Variants in TMEM117 observed in about 807,000 individuals in gnomAD.
The protein encoded by TMEM117 is transmembrane protein 117.
In TMEM117, 27 loss-of-function variants were observed where a neutral mutation model predicts 52.4. That is an observed-to-expected ratio of 0.51 (90% CI 0.38 to 0.71). The LOEUF (loss-of-function observed/expected upper bound fraction) is 0.71. TMEM117 is among the 30% of genes least tolerant of loss of function. The pLI, the probability that TMEM117 is intolerant of heterozygous loss-of-function variation, is 0.00. For synonymous variants in TMEM117, 215 were observed against 206.3 expected, an observed-to-expected ratio of 1.04 and a Z score of -0.36; for missense variants, 556 against 630.5, an observed-to-expected ratio of 0.88 and a Z score of 1.26.
chr12:43,802,499 G>GTC, the TMEM117 span: 1 of 1,486,372 alleles, frequency 6.7e-7, no homozygotes, highest in Non-Finnish European at 9.3e-7. Context: ...ATAGGTAAAT[G>GTC]GTTTGAGATA....
At chr12:44,369,291 A>G (rs557192044) in intron 6 of TMEM117, among the ~76,000 whole-genome samples, 64 of 152,296 alleles carry the variant, frequency 4.2e-4, no homozygotes, top group Non-Finnish European at 7.6e-4. Flanking sequence ...TGACACTTAA[A>G]GGAATGATGT....
chr12:43,939,697 TA>T (rs1945012664), intron 2 of TMEM117, among the ~76,000 whole-genome samples: 1 of 152,348 alleles, frequency 6.6e-6, no homozygotes, highest in Admixed American at 6.5e-5. Context: ...GTGGCTGCCC[TA>T]ACTGGCACCA....
intron 2 of TMEM117, among the ~76,000 whole-genome samples, chr12:43,933,189 G>A (rs1592373812): frequency 6.6e-6 from 1 of 151,994 alleles, no homozygotes; most frequent in East Asian, 1.9e-4. Flanking sequence ...ATTTAATAAT[G>A]GTAGTAATAT....
intron 6 of TMEM117, among the ~76,000 whole-genome samples, chr12:44,313,285 A>G (rs1334954693): frequency 6.6e-6 from 1 of 152,138 alleles, no homozygotes; most frequent in Admixed American, 6.6e-5. Context: ...TAGTTTTTCT[A>G]TATGGTGAAA....
At chr12:44,152,487 T>TTTTATATATATAATTATATCATATATAAA (rs1366370120) in intron 4 of TMEM117, among the ~76,000 whole-genome samples, 5 of 117,436 alleles carry the variant, frequency 4.3e-5, no homozygotes, top group South Asian at 2.8e-4. Context: ...ATATATAAAT[T>TTTTATATATATAATTATATCATATATAAA]TTTATATATA....
At chr12:44,013,601 T>C (rs943720996) in intron 3 of TMEM117, among the ~76,000 whole-genome samples, 1 of 152,124 alleles carries the variant, frequency 6.6e-6, no homozygotes, top group Non-Finnish European at 1.5e-5. Context: ...TCTCTGATAG[T>C]CGCTGTGAGG....
At chr12:44,345,039 T>A (rs10506245) in intron 6 of TMEM117, among the ~76,000 whole-genome samples, 18,019 of 151,646 alleles carry the variant, frequency 0.12, 2,859 homozygotes, top group African/African-American at 0.36. Flanking sequence ...ATTTCAACTA[T>A]CTGGGGACTG....
chr12:44,384,147 C>G (rs374692945), intron 7 of TMEM117, among the ~76,000 whole-genome samples: 1 of 151,864 alleles, frequency 6.6e-6, no homozygotes, highest in Non-Finnish European at 1.5e-5. Flanking sequence ...ACCAAGGTAA[C>G]GACACAGTGT....
the TMEM117 span, chr12:43,797,237 A>G: frequency 6.7e-7 from 1 of 1,499,638 alleles, no homozygotes; most frequent in Non-Finnish European, 9.0e-7. Context: ...AATAAGTAAG[A>G]ATATAGGGCT....
At chr12:44,193,329 T>G (rs1292986235) in intron 4 of TMEM117, among the ~76,000 whole-genome samples, 2 of 152,190 alleles carry the variant, frequency 1.3e-5, no homozygotes, top group Non-Finnish European at 2.9e-5. Context: ...AACAGACGGA[T>G]AAGTAAAACA....
In TMEM117 at chr12:44,007,984, A is replaced by G. The variant is rs374780576; in HGVS notation, c.410+63642A>G. Among the ~76,000 whole-genome samples the G allele has an allele frequency of 4.6e-5, 7 of 152,210 alleles. No homozygotes were observed. In the East Asian group the frequency reaches 7.7e-4, roughly 17 times the overall value. On this transcript the variant is annotated intron_variant, in intron 3 of 7. Coordinates refer to ENST00000266534, the MANE Select transcript of TMEM117 (RefSeq NM_032256.3). Reference sequence around the variant, plus strand: ...TCTATCACCAGCATGAAAATGGACTAATAGAGTTGTAGCTGATCAGCCATA... The same window carrying G: ...TCTATCACCAGCATGAAAATGGACTGATAGAGTTGTAGCTGATCAGCCATA...
intron 3 of TMEM117, among the ~76,000 whole-genome samples, chr12:44,022,045 A>G (rs1366709590): frequency 6.6e-6 from 1 of 152,246 alleles, no homozygotes; most frequent in Non-Finnish European, 1.5e-5. Context: ...TGGCATGAAG[A>G]AAATAAATCT....
intron 3 of TMEM117, among the ~76,000 whole-genome samples, chr12:44,090,206 CA>C (rs895642446): frequency 2.0e-5 from 3 of 151,882 alleles, no homozygotes; most frequent in African/African-American, 7.3e-5. Flanking sequence ...ATTTTAGATT[CA>C]GGGGGTACAT....
chr12:44,317,225 C>G (rs1231264053), intron 6 of TMEM117, among the ~76,000 whole-genome samples: 1 of 148,588 alleles, frequency 6.7e-6, no homozygotes, highest in Non-Finnish European at 1.5e-5. Context: ...ACTGGCACTT[C>G]TAATTTTTGT....
At chr12:44,087,045 A>G (rs962315275) in intron 3 of TMEM117, among the ~76,000 whole-genome samples, 5 of 148,600 alleles carry the variant, frequency 3.4e-5, no homozygotes, top group African/African-American at 9.8e-5. Flanking sequence ...ATAATTATAA[A>G]TTATAATTTG....
chr12:44,221,803 A>G (rs764598627), intron 5 of TMEM117, among the ~76,000 whole-genome samples: 1 of 151,878 alleles, frequency 6.6e-6, no homozygotes, highest in Non-Finnish European at 1.5e-5. Context: ...GGCTCAAGCA[A>G]TTCTCCTACC....
chr12:44,020,882 C>T (rs1946445647), intron 3 of TMEM117, among the ~76,000 whole-genome samples: 1 of 152,136 alleles, frequency 6.6e-6, no homozygotes, highest in African/African-American at 2.4e-5. Flanking sequence ...AAGCAAATAA[C>T]ATATACCATG....
chr12:44,120,620 G>A (rs546603195), intron 3 of TMEM117, among the ~76,000 whole-genome samples: 60 of 152,298 alleles, frequency 3.9e-4, no homozygotes, highest in African/African-American at 1.3e-3. Context: ...ATACCCTGAT[G>A]TCCACATTTC....
chr12:44,323,395 C>CA (rs1431462979), intron 6 of TMEM117, among the ~76,000 whole-genome samples: 1 of 152,178 alleles, frequency 6.6e-6, no homozygotes, highest in Non-Finnish European at 1.5e-5. Context: ...AGCCAATAGT[C>CA]AAACATACCC....
Sources: allele counts gnomAD v4.1 joint callset (sites outside exome capture counted in the v4.1 genomes callset), GRCh38; gene constraint gnomAD v4.1.1; transcripts MANE v1.5; gene names NCBI Gene and HGNC (gene_info 2026-07-23, HGNC 2026-07-21).